The following WDFY4 variants were observed in gnomAD, a reference collection of about 807,000 sequenced individuals.
WDFY4 encodes WDFY family member 4.
WDFY4 carries 169 observed loss-of-function variants against 351.9 expected under a neutral mutation model. The observed-to-expected ratio is 0.48, with a 90% confidence interval of 0.42 to 0.55. The LOEUF (loss-of-function observed/expected upper bound fraction) is 0.55. Ranked by LOEUF, WDFY4 falls within the 20% of genes least tolerant of loss-of-function variation. WDFY4 has a pLI of 0.00. For missense variants in WDFY4, 3,803 were observed against 3,935.6 expected (o/e 0.97, Z 0.90); for synonymous variants, 1,622 against 1,574.6 (o/e 1.03, Z -0.71).
At chr10:48,832,483 C>G in intron 38 of WDFY4, 90 bp from the exon 39 acceptor site, 1 of 1,399,088 alleles carries the variant, frequency 7.1e-7, no homozygotes, top group East Asian at 2.7e-5. Context: ...GGGCTCATGC[C>G]CCTGGCTGGC....
At chr10:48,832,774 T>A (rs1046260676) in intron 39 of WDFY4, 65 bp downstream of exon 39, 42 of 1,435,652 alleles carry the variant, frequency 2.9e-5, no homozygotes, top group Non-Finnish European at 3.8e-5. Context: ...ATGAGTCATA[T>A]CTCTTCTTTG....
intron 47 of WDFY4, among the ~76,000 whole-genome samples, chr10:48,907,067 G>A (rs990091660): frequency 6.6e-6 from 1 of 152,102 alleles, no homozygotes; most frequent in African/African-American, 2.4e-5. Flanking sequence ...AGAGTACTGG[G>A]GAACCTAATT....
At chr10:48,796,579 A>C in intron 24 of WDFY4, 129 bp downstream of exon 24, 1 of 1,306,392 alleles carries the variant, frequency 7.7e-7, no homozygotes, top group Non-Finnish European at 1.0e-6. Context: ...AGGGAAAACC[A>C]AACGAGCCTG....
chr10:48,910,366 G>A, intron 47 of WDFY4: 2 of 950,742 alleles, frequency 2.1e-6, no homozygotes, highest in Admixed American at 3.4e-5. Context: ...TGACCTTCAG[G>A]ATGGTCAGGT....
At chr10:48,796,740 G>T (rs1176918975) in intron 24 of WDFY4, among the ~76,000 whole-genome samples, 1 of 152,222 alleles carries the variant, frequency 6.6e-6, no homozygotes, top group Admixed American at 6.5e-5. Context: ...AAGCCAGATA[G>T]TATCTGGGAA....
intron 4 of WDFY4, among the ~76,000 whole-genome samples, chr10:48,722,663 A>T (rs1047232907): frequency 1.3e-5 from 2 of 150,980 alleles, no homozygotes; most frequent in Non-Finnish European, 3.0e-5. Context: ...GCATGCACAC[A>T]CACACGTGCA....
chr10:48,781,069 A>G (rs755079933), intron 19 of WDFY4, among the ~76,000 whole-genome samples: 2 of 152,124 alleles, frequency 1.3e-5, no homozygotes, highest in Non-Finnish European at 2.9e-5. Flanking sequence ...GACATTTCCA[A>G]ATATACCCTG....
At chr10:48,888,329 C>G (rs1019250742) in intron 43 of WDFY4, among the ~76,000 whole-genome samples, 9 of 142,086 alleles carry the variant, frequency 6.3e-5, no homozygotes, top group African/African-American at 2.3e-4. Context: ...TCCTTCTTTC[C>G]CTTTCCTTTT....
intron 8 of WDFY4, 131 bp downstream of exon 8, chr10:48,729,720 G>C (rs2064390521): frequency 1.6e-6 from 2 of 1,238,400 alleles, no homozygotes; most frequent in Non-Finnish European, 1.1e-6. Context: ...CACAACCTTT[G>C]GGGAGGTTAT....
Position 48,897,481 on chromosome 10 carries a change from G to C in WDFY4, c.7344G>C (p.Leu2448=). The change falls in exon 45 of 62, where the codon CTG becomes CTC. Residue 2448 remains leucine (L), a synonymous_variant. Transcript: ENST00000325239. ...TCAGCGATCCGTTCATTTTCAACCTGTGCAGCAAAGACAGGTCCACTGACC... is the reference window on the plus strand; with the variant it reads ...TCAGCGATCCGTTCATTTTCAACCTCTGCAGCAAAGACAGGTCCACTGACC... ...SNISDPFIFN[L]CSKDRSTDHY... 2 of 1,551,688 alleles carry C rather than the reference G, an allele frequency of 1.3e-6. No individual in the cohort carries two copies. The highest frequency in any genetic ancestry group is 1.7e-6 in the Non-Finnish European group (2 of 1,147,018).
rs1590023112 is a variant in WDFY4, at chr10:48,972,171, T to G, written c.8928+1882T>G. Among the ~76,000 whole-genome samples the G allele has an allele frequency of 3.9e-5, 6 of 152,300 alleles. 1 individual carries two copies. The highest frequency in any genetic ancestry group is 3.9e-4 in the Admixed American group (6 of 15,304). On this transcript the variant is annotated intron_variant, in intron 57 of 61. Coordinates refer to ENST00000325239, the MANE Select transcript of WDFY4 (RefSeq NM_001394531.1). Reference sequence around the variant, plus strand: ...AATAAAACACTTTATCACTTACCTGTAAAGGCTAATGTAGGCTTGCAGATT... The same window carrying G: ...AATAAAACACTTTATCACTTACCTGGAAAGGCTAATGTAGGCTTGCAGATT...
intron 43 of WDFY4, among the ~76,000 whole-genome samples, chr10:48,879,996 G>A (rs972089158): frequency 3.3e-5 from 5 of 152,182 alleles, no homozygotes; most frequent in Non-Finnish European, 7.4e-5. Context: ...CAGCTGATTC[G>A]TAACCTTGAT....
chr10:48,704,046 G>A (rs1300558634), intron 1 of WDFY4, among the ~76,000 whole-genome samples: 1 of 152,074 alleles, frequency 6.6e-6, no homozygotes, highest in Admixed American at 6.5e-5. Flanking sequence ...CAGAGGAAGG[G>A]GAGACCCCAT....
chr10:48,824,391 A>G (rs1460047914), intron 35 of WDFY4, among the ~76,000 whole-genome samples: 1 of 152,254 alleles, frequency 6.6e-6, no homozygotes, highest in African/African-American at 2.4e-5. Flanking sequence ...ATTAATAATG[A>G]CACATAGCTA....
Position 48,725,942 on chromosome 10 carries a change from T to C in WDFY4, c.653T>C (p.Leu218Pro). 6.4e-7 allele frequency: 1 copy of C among 1,551,712 alleles called. No individual in the cohort carries two copies. ...GAGGGACTCCTCTCAGGAAGTGAGC[T>C]GCAGTCTCTGCTGATTGCCACGACC... ...GLEGLLSGSE[L>P]QSLLIATTCL... is the part of the protein sequence containing the mutation. Residue 218 changes from leucine (L) to proline (P), a missense_variant, in exon 6 of 62, where the codon CTG becomes CCG. Coordinates refer to ENST00000325239, the MANE Select transcript of WDFY4 (RefSeq NM_001394531.1).
At chr10:48,818,399 G>C (rs2067696574) in intron 32 of WDFY4, among the ~76,000 whole-genome samples, 2 of 152,172 alleles carry the variant, frequency 1.3e-5, no homozygotes, top group Non-Finnish European at 2.9e-5. Context: ...ACCCATGGCG[G>C]CAGCCTCCAT....
intron 2 of WDFY4, among the ~76,000 whole-genome samples, chr10:48,713,779 C>A (rs1296262591): frequency 6.6e-6 from 1 of 152,242 alleles, no homozygotes; most frequent in Non-Finnish European, 1.5e-5. Flanking sequence ...GGGTCAGATC[C>A]TTCCAACCTA....
chr10:48,810,600 G>A lies in WDFY4; in HGVS notation c.4909G>A (p.Ala1637Thr), dbSNP rs1185604422. ...FLLLLQGHLH[A>T]STTVLALKLL... Reference sequence around the variant, plus strand: ...GCTGCTCCTGCAGGGCCACCTGCATGCCAGCACCACTGTGCTGGCATTGAA... The same window carrying A: ...GCTGCTCCTGCAGGGCCACCTGCATACCAGCACCACTGTGCTGGCATTGAA... Residue 1637 changes from alanine (A) to threonine (T), a missense_variant, in exon 29 of 62, where the codon GCC becomes ACC. By Grantham distance (58) the Ala-to-Thr change is moderately conservative. Around this residue, in one of 3 missense-constraint regions of WDFY4, gnomAD observed 3,054 missense variants for 3,148.6 expected, o/e 0.97. Coordinates refer to ENST00000325239, the MANE Select transcript of WDFY4 (RefSeq NM_001394531.1). 3 of 1,551,550 alleles carry A rather than the reference G, an allele frequency of 1.9e-6. No homozygotes were observed. Among genetic ancestry groups the A allele is most frequent in the Non-Finnish European group, 2.6e-6 (3 of 1,146,974 alleles).
At chr10:48,779,116 G>C (rs537197621) in intron 18 of WDFY4, among the ~76,000 whole-genome samples, 1 of 152,330 alleles carries the variant, frequency 6.6e-6, no homozygotes, top group African/African-American at 2.4e-5. Flanking sequence ...CTTCGCCCTG[G>C]CAGAACAGTC....
Sources: allele counts gnomAD v4.1 joint callset (sites outside exome capture counted in the v4.1 genomes callset), GRCh38; gene constraint gnomAD v4.1.1; regional missense constraint gnomAD v4.1.1; transcripts MANE v1.5; gene names NCBI Gene and HGNC (gene_info 2026-07-23, HGNC 2026-07-21).